The following TRAPPC2L variants were observed in gnomAD, a reference collection of about 807,000 sequenced individuals.
TRAPPC2L encodes trafficking protein particle complex subunit 2L.
TRAPPC2L carries 17 observed loss-of-function variants against 13.2 expected under a neutral mutation model. That is an observed-to-expected ratio of 1.29 (90% CI 0.88 to 1.93). The LOEUF (loss-of-function observed/expected upper bound fraction) is 1.93. Among genes scored for constraint, TRAPPC2L ranks in the 30% most tolerant of loss-of-function variants. The probability of loss-of-function intolerance (pLI) is 0.00; values close to 1 mark genes in which losing one functional copy is unlikely to be tolerated. For missense variants in TRAPPC2L, 359 were observed against 252.1 expected (o/e 1.42, Z -2.87); for synonymous variants, 150 against 98.1 (o/e 1.53, Z -3.12).
At chr16:88,857,040 G>T, upstream of TRAPPC2L, 2 of 1,429,740 alleles carry the variant, frequency 1.4e-6, no homozygotes, top group South Asian at 2.9e-5. Context: ...ACTGCCTCGT[G>T]ACCAGTGGGG....
rs191651625 is a variant in TRAPPC2L, at chr16:88,860,468, T to A, written c.*144T>A. 963 of 602,392 alleles carry A rather than the reference T, an allele frequency of 1.6e-3. 3 individuals are homozygous for A. Among genetic ancestry groups the A allele is most frequent in the Non-Finnish European group, 2.4e-3 (799 of 339,604 alleles). 37.3% of individuals were successfully genotyped at this position (602,392 alleles called of 1,614,324 possible). A position where few individuals can be genotyped will look rare whatever the true frequency, so the allele number is the denominator to read the frequency against. Reference sequence around the variant, plus strand: ...ACATTCCAGACTTGCTTTCAGTGAGTCCCCAGTTCCAAGACATAATTCCCT... The same window carrying A: ...ACATTCCAGACTTGCTTTCAGTGAGACCCCAGTTCCAAGACATAATTCCCT... On this transcript the variant is annotated 3_prime_UTR_variant, in exon 4 of 4. Coordinates refer to ENST00000565504, the Ensembl canonical transcript of TRAPPC2L.
At chr16:88,860,845 C>T (rs1413687197) in exon 4 of TRAPPC2L, 2 of 1,520,992 alleles carry the variant, frequency 1.3e-6, no homozygotes, top group Non-Finnish European at 1.8e-6. Flanking sequence ...GCCATGCTGC[C>T]CGGCCCGTCT....
chr16:88,856,985 C>A (rs1408825986), upstream of TRAPPC2L: 10 of 1,389,824 alleles, frequency 7.2e-6, no homozygotes, highest in East Asian at 1.5e-4. Flanking sequence ...ACGTGACTCG[C>A]GGGGCGGGGC....
intron 1 of TRAPPC2L, 89 bp from the exon 2 acceptor site, chr16:88,858,530 C>T: frequency 6.9e-7 from 1 of 1,448,932 alleles, no homozygotes; most frequent in Non-Finnish European, 9.4e-7. Flanking sequence ...CCCCGGGTGG[C>T]TGCAGGTCAC....
upstream of TRAPPC2L, chr16:88,856,354 T>C: frequency 7.1e-6 from 5 of 702,004 alleles, no homozygotes; most frequent in Admixed American, 6.0e-5. Context: ...CTTCCTCCCT[T>C]TGGGGAGGCC....
chr16:88,859,841 GGCAGTGGCTGTGTGTATGTGGCAAGGT>G (rs1157575231), intron 3 of TRAPPC2L, 25 bp from the exon 4 acceptor site: 15 of 1,582,214 alleles, frequency 9.5e-6, no homozygotes, highest in Non-Finnish European at 1.2e-5. Context: ...CTAAAAATCT[GGCAGTGGCTGTGTGTATGTGGCAAGGT>G]CATGGTTTGC....
chr16:88,856,923 C>G, upstream of TRAPPC2L: 17 of 1,482,958 alleles, frequency 1.1e-5, no homozygotes, highest in Non-Finnish European at 1.5e-5. Flanking sequence ...GCCGACCTAG[C>G]GAGCGTCCGC....
chr16:88,858,956 T>A, intron 2 of TRAPPC2L, 165 bp downstream of exon 2: 2 of 694,794 alleles, frequency 2.9e-6, no homozygotes, highest in Non-Finnish European at 4.7e-6. Flanking sequence ...CTCTTCTCTT[T>A]CATTGGAAGA....
chr16:88,859,739 G>A (rs1968242031), exon 3 of TRAPPC2L: 1 of 1,613,696 alleles, frequency 6.2e-7, no homozygotes, highest in Admixed American at 1.7e-5. Flanking sequence ...TCGAGACAAC[G>A]AAATTCGCAG....
intron 1 of TRAPPC2L, among the ~76,000 whole-genome samples, chr16:88,858,383 T>C (rs1367428694): frequency 6.6e-6 from 1 of 152,192 alleles, no homozygotes; most frequent in African/African-American, 2.4e-5. Flanking sequence ...GATTCATTTT[T>C]TCTTTTCCGC....
exon 4 of TRAPPC2L, chr16:88,860,285 G>A (rs1241545884): frequency 2.9e-6 from 2 of 700,424 alleles, no homozygotes; most frequent in South Asian, 1.5e-5. Context: ...CACATGGGCA[G>A]TGGCTTTCAG....
upstream of TRAPPC2L, chr16:88,857,104 C>G (rs199729493): frequency 1.9e-6 from 3 of 1,553,942 alleles, no homozygotes; most frequent in Non-Finnish European, 2.6e-6. Context: ...GGCCGCGTGA[C>G]CAGCGGCGGG....
At chr16:88,858,768 C>T (rs1231477333) in exon 2 of TRAPPC2L, 3 of 1,613,286 alleles carry the variant, frequency 1.9e-6, no homozygotes, top group Non-Finnish European at 2.5e-6. Flanking sequence ...TGGGCCTGCT[C>T]TACCCCACGG....
At chr16:88,857,526 G>T (rs1968029387) in intron 1 of TRAPPC2L, 1 of 321,312 alleles carries the variant, frequency 3.1e-6, no homozygotes, top group Non-Finnish European at 5.7e-6. Flanking sequence ...CTGGTTCCCC[G>T]CGGACGGCGG....
chr16:88,861,129 T>A (rs1024757641), exon 4 of TRAPPC2L: 1 of 645,026 alleles, frequency 1.6e-6, no homozygotes, highest in African/African-American at 1.8e-5. Context: ...GCTTTTTCCT[T>A]CCGTGTCAGC....
rs768934280 is a variant in TRAPPC2L, at chr16:88,857,128, T to G, written c.-23T>G. 1.6e-5 allele frequency: 24 copies of G among 1,548,338 alleles called. No individual in the cohort carries two copies. In the South Asian group the frequency reaches 2.6e-4, roughly 17 times the overall value. ...ACCAGCGGCGGGTCACGTGACGCGG[T>G]GCCTGGCGCCGAGCCTCCCAAGATG... On this transcript the variant is annotated 5_prime_UTR_variant, in exon 1 of 4. Transcript: ENST00000565504.
At chr16:88,860,787 T>G in exon 4 of TRAPPC2L, 1 of 1,039,476 alleles carries the variant, frequency 9.6e-7, no homozygotes, top group Non-Finnish European at 1.4e-6. Context: ...CTCAGCGGAG[T>G]TCACATTTCT....
At chr16:88,861,958 G>A (rs1283724643) in exon 4 of TRAPPC2L, 5 of 251,116 alleles carry the variant, frequency 2.0e-5, no homozygotes, top group Non-Finnish European at 3.2e-5. Flanking sequence ...AGCAAGGAGT[G>A]TGGGAAAACT....
Position 88,859,897 on chromosome 16 carries a change from TC to T in TRAPPC2L, c.301del (p.Arg101GlyfsTer10), listed in dbSNP as rs747997575. The T allele has an allele frequency of 1.3e-6, 2 of 1,572,936 alleles. No homozygotes were observed. The highest frequency in any genetic ancestry group is 1.7e-6 in the Non-Finnish European group (2 of 1,159,030). ...GGTTTGCTGGGTCTTTTTCAGATGT[TC>T]CGGAAGCTACACAACTCCTACACAG... On this transcript the variant is annotated frameshift_variant, in exon 4 of 4. Transcript: ENST00000565504. LOFTEE classifies it low-confidence loss of function (END_TRUNC).
Sources: gnomAD v4.1 joint callset for allele counts (sites outside exome capture counted in the v4.1 genomes callset) on GRCh38, gnomAD v4.1.1 for gene constraint, MANE v1.5 for transcripts, NCBI Gene and HGNC (gene_info 2026-07-23, HGNC 2026-07-21) for gene names.